Variants in CBFB observed in about 807,000 individuals in gnomAD.
CBFB encodes core-binding factor subunit beta.
A neutral mutation model predicts 30.4 loss-of-function variants in CBFB; 9 were observed. The ratio of observed to expected loss-of-function variants is 0.30; its 90% CI spans 0.18 to 0.52. The LOEUF is 0.52. Ranked by LOEUF, CBFB falls within the 20% of genes least tolerant of loss-of-function variation. CBFB has a pLI of 0.97. For synonymous variants in CBFB, 94 were observed against 84.0 expected, an observed-to-expected ratio of 1.12 and a Z score of -0.65; for missense variants, 170 against 244.0, an observed-to-expected ratio of 0.70 and a Z score of 2.02.
At chr16:67,031,804 C>A (rs1377497398) in intron 2 of CBFB, among the ~76,000 whole-genome samples, 1 of 151,656 alleles carries the variant, frequency 6.6e-6, no homozygotes, top group Non-Finnish European at 1.5e-5. Flanking sequence ...TGAGCCACCG[C>A]GTCTGGTCTT....
intron 2 of CBFB, among the ~76,000 whole-genome samples, chr16:67,033,926 T>TCACACGATTCTCCTGCCTC (rs1476434213): frequency 6.6e-6 from 1 of 151,440 alleles, no homozygotes; most frequent in Non-Finnish European, 1.5e-5. Context: ...CCTCCTGGGT[T>TCACACGATTCTCCTGCCTC]CACACGATTC....
At chr16:67,031,799 C>T (rs1420132462) in intron 2 of CBFB, among the ~76,000 whole-genome samples, 5 of 151,852 alleles carry the variant, frequency 3.3e-5, no homozygotes, top group South Asian at 2.1e-4. Flanking sequence ...AGGTGTGAGC[C>T]ACCGCGTCTG....
intron 4 of CBFB, among the ~76,000 whole-genome samples, chr16:67,080,360 AGAG>A (rs925080675): frequency 1.3e-4 from 20 of 151,858 alleles, no homozygotes; most frequent in African/African-American, 4.9e-4. Context: ...ATAGGAATGA[AGAG>A]GAGACTGAAG....
chr16:67,049,735 T>C lies in CBFB; in HGVS notation c.282+12980T>C, dbSNP rs1242339002. ...CTCCTGGCTGGGTTCAAGTGATCCTTCCACTTTGGCCTCCCATGAACCATT... is the reference window on the plus strand; with the variant it reads ...CTCCTGGCTGGGTTCAAGTGATCCTCCCACTTTGGCCTCCCATGAACCATT... On this transcript the variant is annotated intron_variant, in intron 3 of 5. Transcript: ENST00000412916. Among the ~76,000 whole-genome samples, 6 of 152,228 alleles carry C rather than the reference T, an allele frequency of 3.9e-5. No homozygotes were observed. The East Asian group carries it at 1.2e-3, about 29-fold the overall frequency.
intron 2 of CBFB, among the ~76,000 whole-genome samples, chr16:67,033,215 T>G (rs1448829258): frequency 6.6e-6 from 1 of 152,222 alleles, no homozygotes; most frequent in Non-Finnish European, 1.5e-5. Flanking sequence ...AGGGCTGTGT[T>G]GATCATCTCT....
intron 3 of CBFB, among the ~76,000 whole-genome samples, chr16:67,046,903 CT>C (rs998139041): frequency 2.6e-5 from 4 of 152,048 alleles, no homozygotes; most frequent in Admixed American, 2.6e-4. Flanking sequence ...ATTATTGTTC[CT>C]TTTTTTATGA....
chr16:67,067,526 C>G (rs527872328), intron 4 of CBFB, among the ~76,000 whole-genome samples: 2 of 152,148 alleles, frequency 1.3e-5, no homozygotes, highest in South Asian at 4.2e-4. Flanking sequence ...TCAAAAACAA[C>G]AACAACAACG....
At chr16:67,039,931 A>C (rs1020494320) in intron 3 of CBFB, among the ~76,000 whole-genome samples, 1 of 152,180 alleles carries the variant, frequency 6.6e-6, no homozygotes, top group African/African-American at 2.4e-5. Context: ...ATGTTTATGC[A>C]TAGGTCATGT....
chr16:67,084,986 A>G lies in CBFB; in HGVS notation c.495+2678A>G, dbSNP rs138875771. On this transcript the variant is annotated intron_variant, in intron 5 of 5. Coordinates refer to ENST00000412916, the MANE Select transcript of CBFB (RefSeq NM_022845.3). ...TAAATGAGTAAATACATGTGAAACC[A>G]CTTTTAGCGTATGTGCCACTGACTA... 5.7e-3 allele frequency among the ~76,000 whole-genome samples: 867 copies of G among 152,332 alleles called. 3 individuals are homozygous for G. Among genetic ancestry groups the G allele is most frequent in the African/African-American group, 0.02 (811 of 41,570 alleles).
chr16:67,061,542 CTG>C (rs993914466), intron 3 of CBFB, among the ~76,000 whole-genome samples: 6 of 152,146 alleles, frequency 3.9e-5, no homozygotes, highest in African/African-American at 1.4e-4. Context: ...AAATGCCAAA[CTG>C]TTGAGACAGA....
At chr16:67,085,973 C>T (rs753139312) in intron 5 of CBFB, among the ~76,000 whole-genome samples, 7 of 152,134 alleles carry the variant, frequency 4.6e-5, no homozygotes, top group Admixed American at 1.3e-4. Flanking sequence ...CCACTGTGCC[C>T]GGCTTAAAAT....
intron 3 of CBFB, among the ~76,000 whole-genome samples, chr16:67,049,807 A>G (rs953652802): frequency 6.6e-6 from 1 of 152,088 alleles, no homozygotes; most frequent in Non-Finnish European, 1.5e-5. Context: ...GGTGATCACT[A>G]CCACCGGACA....
intron 3 of CBFB, among the ~76,000 whole-genome samples, chr16:67,057,683 GGTTA>G (rs1960770223): frequency 6.6e-6 from 1 of 151,572 alleles, no homozygotes; most frequent in Non-Finnish European, 1.5e-5. Context: ...CATAATTTTT[GGTTA>G]GTTATGTTAA....
intron 5 of CBFB, among the ~76,000 whole-genome samples, chr16:67,083,440 C>T (rs1961628265): frequency 1.3e-5 from 2 of 151,790 alleles, no homozygotes; most frequent in African/African-American, 4.8e-5. Context: ...GGATTACAGG[C>T]GCACACCACC....
chr16:67,060,670 C>G (rs1272214682), intron 3 of CBFB, among the ~76,000 whole-genome samples: 1 of 152,288 alleles, frequency 6.6e-6, no homozygotes, highest in South Asian at 2.1e-4. Flanking sequence ...ATTCTCCTGC[C>G]TCAGCCTCCC....
intron 5 of CBFB, among the ~76,000 whole-genome samples, chr16:67,083,069 C>G (rs1210851123): frequency 6.6e-6 from 1 of 152,112 alleles, no homozygotes; most frequent in Non-Finnish European, 1.5e-5. Context: ...GCTTTAGTCA[C>G]TTGGTAGGCC....
intron 3 of CBFB, among the ~76,000 whole-genome samples, chr16:67,038,962 A>C (rs1966488411): frequency 6.6e-6 from 1 of 152,202 alleles, no homozygotes; most frequent in Non-Finnish European, 1.5e-5. Flanking sequence ...TGAAGACCAC[A>C]TAATCCTTGG....
At chr16:67,060,123 G>C (rs375858542) in intron 3 of CBFB, among the ~76,000 whole-genome samples, 15 of 151,916 alleles carry the variant, frequency 9.9e-5, no homozygotes, top group African/African-American at 3.4e-4. Context: ...GACTGCATTT[G>C]TGTGACACCA....
At chr16:67,050,014 C>T (rs1966709609) in intron 3 of CBFB, among the ~76,000 whole-genome samples, 1 of 151,778 alleles carries the variant, frequency 6.6e-6, no homozygotes, top group South Asian at 2.1e-4. Flanking sequence ...TTATTTTTTA[C>T]CCCTAAGTCT....
Sources: allele counts gnomAD v4.1 joint callset (sites outside exome capture counted in the v4.1 genomes callset), GRCh38; gene constraint gnomAD v4.1.1; transcripts MANE v1.5; gene names NCBI Gene and HGNC (gene_info 2026-07-23, HGNC 2026-07-21).